C7orf78: variants seen among roughly 807,000 people sequenced by gnomAD.
C7orf78 encodes the protein putative uncharacterized protein C7orf78.
chr7:12,520,966 A>G, the C7orf78 span, among the ~76,000 whole-genome samples: 2 of 152,088 alleles, frequency 1.3e-5, no homozygotes, highest in East Asian at 1.9e-4. Context: ...TCATTATGTA[A>G]TGGCCTTCTT....
chr7:12,517,936 G>C, the C7orf78 span, among the ~76,000 whole-genome samples: 6 of 151,894 alleles, frequency 4.0e-5, no homozygotes, highest in South Asian at 6.2e-4. Flanking sequence ...TTCCTTTGGG[G>C]GTGTCATATT....
At chr7:12,506,475 G>C in the C7orf78 span, among the ~76,000 whole-genome samples, 1 of 152,290 alleles carries the variant, frequency 6.6e-6, no homozygotes, top group South Asian at 2.1e-4. Flanking sequence ...AAAATGATGA[G>C]TTCGTGTCCT....
chr7:12,489,469 C>T, the C7orf78 span, among the ~76,000 whole-genome samples: 2 of 152,088 alleles, frequency 1.3e-5, no homozygotes, highest in African/African-American at 4.8e-5. Context: ...CTCAGTAGAT[C>T]CTTTTAAATG....
At chr7:12,496,904 C>T in the C7orf78 span, among the ~76,000 whole-genome samples, 4 of 151,938 alleles carry the variant, frequency 2.6e-5, no homozygotes, top group Non-Finnish European at 4.4e-5. Flanking sequence ...GAAATAAAAA[C>T]ACCTTAAAAT....
chr7:12,518,055 A>G, the C7orf78 span, among the ~76,000 whole-genome samples: 9 of 152,070 alleles, frequency 5.9e-5, no homozygotes, highest in Non-Finnish European at 1.2e-4. Context: ...AAATTTATCT[A>G]TGATGTTTGT....
At chr7:12,490,783 A>G in the C7orf78 span, among the ~76,000 whole-genome samples, 7 of 151,984 alleles carry the variant, frequency 4.6e-5, no homozygotes, top group African/African-American at 1.7e-4. Context: ...TTTTTTTTCA[A>G]AATTGAGCAA....
chr7:12,539,105 A>G, the C7orf78 span, among the ~76,000 whole-genome samples: 2 of 152,046 alleles, frequency 1.3e-5, no homozygotes, highest in South Asian at 2.1e-4. Context: ...TTCCTTTCTC[A>G]CAGAAATCAG....
the C7orf78 span, chr7:12,483,973 C>G: frequency 1.3e-5 from 2 of 151,518 alleles, no homozygotes; most frequent in African/African-American, 4.8e-5. Flanking sequence ...GTATGTTTCT[C>G]TTATTATTTT....
At chr7:12,498,948 G>T in the C7orf78 span, among the ~76,000 whole-genome samples, 2 of 151,906 alleles carry the variant, frequency 1.3e-5, no homozygotes, top group Admixed American at 1.3e-4. Context: ...TTAAAGAAAA[G>T]AATTTTCAAC....
chr7:12,536,472 C>T, the C7orf78 span, among the ~76,000 whole-genome samples: 1 of 152,282 alleles, frequency 6.6e-6, no homozygotes, highest in Non-Finnish European at 1.5e-5. Context: ...CTTCCTAGGC[C>T]TCTGGGCCTG....
chr7:12,483,660 CA>C, the C7orf78 span: 4 of 147,830 alleles, frequency 2.7e-5, no homozygotes, highest in African/African-American at 1.0e-4. Flanking sequence ...ATGAGGTCAG[CA>C]GTTCGAGACC....
the C7orf78 span, among the ~76,000 whole-genome samples, chr7:12,501,561 A>G: frequency 0.58 from 78,200 of 133,754 alleles, 23,212 homozygotes; most frequent in Non-Finnish European, 0.63. Context: ...ACTACAAACC[A>G]CTGCTCAAGG....
the C7orf78 span, among the ~76,000 whole-genome samples, chr7:12,513,293 C>G: frequency 1.4e-5 from 2 of 147,632 alleles, no homozygotes; most frequent in Non-Finnish European, 3.0e-5. Flanking sequence ...TTTTCTAGTT[C>G]TTCCAGGTAC....
chr7:12,526,930 G>C, the C7orf78 span, among the ~76,000 whole-genome samples: 2 of 152,016 alleles, frequency 1.3e-5, no homozygotes, highest in African/African-American at 4.8e-5. Flanking sequence ...AACTGAAATG[G>C]AACATGTCTA....
the C7orf78 span, among the ~76,000 whole-genome samples, chr7:12,498,517 G>A: frequency 6.6e-6 from 1 of 151,994 alleles, no homozygotes; most frequent in African/African-American, 2.4e-5. Context: ...AATGAAGGGA[G>A]AAGGAAAGTT....
chr7:12,536,015 C>T, the C7orf78 span, among the ~76,000 whole-genome samples: 2 of 152,186 alleles, frequency 1.3e-5, no homozygotes, highest in African/African-American at 2.4e-5. Context: ...CTTTTCCAGG[C>T]ACACAGTACA....
the C7orf78 span, among the ~76,000 whole-genome samples, chr7:12,486,297 T>C: frequency 6.6e-6 from 1 of 152,020 alleles, no homozygotes; most frequent in East Asian, 1.9e-4. Flanking sequence ...ATAGTCCATG[T>C]AAAGTTCTAT....
the C7orf78 span, chr7:12,507,473 A>G: frequency 7.3e-5 from 15 of 205,848 alleles, no homozygotes; most frequent in African/African-American, 3.5e-4. Context: ...TGGATTCTAC[A>G]TTAGATAGCA....
At chr7:12,539,383 G>C in the C7orf78 span, among the ~76,000 whole-genome samples, 1 of 152,168 alleles carries the variant, frequency 6.6e-6, no homozygotes, top group Non-Finnish European at 1.5e-5. Flanking sequence ...AGAATGGCAT[G>C]AACCTGGGAG....
Sources: allele counts gnomAD v4.1 joint callset (sites outside exome capture counted in the v4.1 genomes callset), GRCh38; gene constraint gnomAD v4.1.1; transcripts MANE v1.5; gene names NCBI Gene and HGNC (gene_info 2026-07-23, HGNC 2026-07-21).